Variants in RYR2 observed in about 807,000 individuals in gnomAD.
RYR2 encodes cardiac muscle ryanodine receptor-calcium release channel.
In RYR2, 227 loss-of-function variants were observed where a neutral mutation model predicts 601.1. The observed-to-expected ratio is 0.38, with a 90% CI of 0.34 to 0.42. The LOEUF is 0.42. RYR2 is among the 10% of genes least tolerant of loss of function. The probability of loss-of-function intolerance (pLI) is 1.00; values close to 1 mark genes in which losing one functional copy is unlikely to be tolerated. For missense variants in RYR2, 4,646 were observed against 6,156.5 expected, an observed-to-expected ratio of 0.75 and a Z score of 8.21; for synonymous variants, 2,223 against 2,175.1, an observed-to-expected ratio of 1.02 and a Z score of -0.61.
At chr1:237,732,889 G>T (rs772435674) in intron 78 of RYR2, among the ~76,000 whole-genome samples, 1 of 152,086 alleles carries the variant, frequency 6.6e-6, no homozygotes, top group Non-Finnish European at 1.5e-5. Flanking sequence ...GCAGAATTTG[G>T]GATGTAATTT....
chr1:237,331,638 G>C (rs1292886730), intron 3 of RYR2, among the ~76,000 whole-genome samples: 1 of 151,460 alleles, frequency 6.6e-6, no homozygotes, highest in African/African-American at 2.4e-5. Flanking sequence ...GAGTAGCTGG[G>C]ACTACAGGCT....
chr1:237,310,008 T>C (rs12734593), intron 2 of RYR2, among the ~76,000 whole-genome samples: 51,328 of 151,920 alleles, frequency 0.34, 8,907 homozygotes, highest in South Asian at 0.51. Flanking sequence ...CACACCTCCC[T>C]GCAAGCAGAG....
chr1:237,103,330 T>C (rs1668326071), intron 1 of RYR2, among the ~76,000 whole-genome samples: 1 of 152,236 alleles, frequency 6.6e-6, no homozygotes, highest in African/African-American at 2.4e-5. Context: ...AAAAGGTCAG[T>C]ACCTGCTTTC....
At chr1:237,191,949 T>C (rs1443088165) in intron 1 of RYR2, among the ~76,000 whole-genome samples, 2 of 152,190 alleles carry the variant, frequency 1.3e-5, no homozygotes, top group Admixed American at 6.5e-5. Context: ...TTTGTATATC[T>C]AAGTCCCTAA....
intron 8 of RYR2, among the ~76,000 whole-genome samples, chr1:237,382,419 C>T (rs1251091085): frequency 1.3e-5 from 2 of 151,898 alleles, no homozygotes; most frequent in South Asian, 2.1e-4. Context: ...GGTACATGTG[C>T]ACAACGTGCA....
At chr1:237,558,099 G>A (rs1271689404) in intron 27 of RYR2, among the ~76,000 whole-genome samples, 1 of 152,206 alleles carries the variant, frequency 6.6e-6, no homozygotes, top group Non-Finnish European at 1.5e-5. Context: ...CTCTGAGAAG[G>A]TTGAAGGGAA....
At chr1:237,477,321 G>A (rs1661526926) in intron 17 of RYR2, among the ~76,000 whole-genome samples, 1 of 151,064 alleles carries the variant, frequency 6.6e-6, no homozygotes, top group South Asian at 2.1e-4. Flanking sequence ...AACCTGGGAG[G>A]CAGAGGTTGC....
Position 237,493,063 on chromosome 1 carries a change from C to T in RYR2, c.1937C>T (p.Thr646Ile), listed in dbSNP as rs773253617. 1.2e-6 allele frequency: 2 copies of T among 1,613,630 alleles called. No homozygotes were observed. The highest frequency in any genetic ancestry group is 2.2e-5 in the South Asian group (2 of 90,932). ...CCAGGAAGAGACTTGTTATTGCAGA[C>T]ACGTCTTGTGAACCATGTCAGCAGG... ...LLPGRDLLLQ[T>I]RLVNHVSSMR... is the part of the protein sequence containing the mutation. The change falls in exon 19 of 105, where the codon ACA (threonine) becomes ATA (isoleucine). Residue 646 changes from threonine (T) to isoleucine (I), a missense_variant. Thr to Ile is a moderately conservative substitution (Grantham distance 89). This residue lies in a region of RYR2 where 1,807 missense variants were observed against 2,088.1 expected (regional missense o/e 0.87). Transcript: ENST00000366574.
intron 12 of RYR2, among the ~76,000 whole-genome samples, chr1:237,439,574 G>A (rs1262024736): frequency 6.6e-6 from 1 of 151,914 alleles, no homozygotes; most frequent in African/African-American, 2.4e-5. Flanking sequence ...GAACCAGGAG[G>A]CTGAGGTTAC....
intron 1 of RYR2, among the ~76,000 whole-genome samples, chr1:237,136,556 G>C (rs1412898611): frequency 6.6e-6 from 1 of 152,194 alleles, no homozygotes; most frequent in Admixed American, 6.5e-5. Context: ...TCGCACAGTG[G>C]TGGTTTAGAA....
At chr1:237,178,220 T>C (rs1241007439) in intron 1 of RYR2, among the ~76,000 whole-genome samples, 3 of 152,208 alleles carry the variant, frequency 2.0e-5, no homozygotes, top group Non-Finnish European at 2.9e-5. Context: ...ATTTTTGTTA[T>C]TTTATTTATT....
At chr1:237,666,481 G>C (rs541398825) in intron 56 of RYR2, 31 bp from the exon 57 acceptor site, 1 of 1,585,664 alleles carries the variant, frequency 6.3e-7, no homozygotes. Context: ...GGTTTTTAAT[G>C]AGGCACTGTT....
Position 237,596,370 on chromosome 1 carries a change from AG to A in RYR2, c.4596+714del, listed in dbSNP as rs1675894292. On this transcript the variant is annotated intron_variant, in intron 34 of 104. Coordinates refer to ENST00000366574, the MANE Select transcript of RYR2 (RefSeq NM_001035.3). ...TACATATAGTAGAAAAGAACTAAAC[AG>A]AAATCTTGTAACTCAAGAATTCAAT... Among the ~76,000 whole-genome samples the A allele has an allele frequency of 2.6e-5, 4 of 152,256 alleles. No individual in the cohort carries two copies. The South Asian group carries it at 8.3e-4, about 32-fold the overall frequency.
At chr1:237,250,542 T>C (rs1348145668) in intron 1 of RYR2, among the ~76,000 whole-genome samples, 1 of 152,172 alleles carries the variant, frequency 6.6e-6, no homozygotes, top group Admixed American at 6.5e-5. Flanking sequence ...GTCCTGGCAG[T>C]CCTCCCTTTA....
At chr1:237,508,791 G>A (rs1665547994) in intron 23 of RYR2, among the ~76,000 whole-genome samples, 1 of 133,270 alleles carries the variant, frequency 7.5e-6, no homozygotes, top group Non-Finnish European at 1.5e-5. Context: ...CGCCCAGGCT[G>A]GAGTGCAGTG....
intron 1 of RYR2, among the ~76,000 whole-genome samples, chr1:237,073,180 C>G (rs1664596089): frequency 6.6e-6 from 1 of 152,112 alleles, no homozygotes; most frequent in South Asian, 2.1e-4. Context: ...AGTTGATTGA[C>G]TATTTGACAA....
intron 62 of RYR2, among the ~76,000 whole-genome samples, chr1:237,684,535 G>C (rs1467839147): frequency 1.3e-5 from 2 of 152,112 alleles, no homozygotes; most frequent in Admixed American, 1.3e-4. Flanking sequence ...GGTCCAACTT[G>C]GTGCTGAAAT....
chr1:237,224,169 A>G (rs1464040621), intron 1 of RYR2, among the ~76,000 whole-genome samples: 3 of 152,206 alleles, frequency 2.0e-5, no homozygotes, highest in Non-Finnish European at 2.9e-5. Context: ...CAATGAATAT[A>G]TTGGAAACCT....
chr1:237,199,058 G>A (rs1355714701), intron 1 of RYR2, among the ~76,000 whole-genome samples: 1 of 152,122 alleles, frequency 6.6e-6, no homozygotes, highest in Non-Finnish European at 1.5e-5. Context: ...CTTCAAAGGT[G>A]GTTCCTTGCC....
Sources: gnomAD v4.1 joint callset for allele counts (sites outside exome capture counted in the v4.1 genomes callset) on GRCh38, gnomAD v4.1.1 for gene constraint, gnomAD v4.1.1 regional missense constraint, MANE v1.5 for transcripts, NCBI Gene and HGNC (gene_info 2026-07-23, HGNC 2026-07-21) for gene names.